Variants in GALNTL6 observed in about 807,000 individuals in gnomAD.
GALNTL6 encodes polypeptide N-acetylgalactosaminyltransferase like 6.
Under a neutral mutation model 73.7 loss-of-function variants are expected in GALNTL6, and 46 were observed. The observed-to-expected ratio is 0.62, with a 90% confidence interval of 0.49 to 0.80. GALNTL6 has a LOEUF of 0.80. GALNTL6 is among the 30% of genes least tolerant of loss of function. GALNTL6 has a pLI of 0.00. For missense variants in GALNTL6, 604 were observed against 755.0 expected (o/e 0.80, Z 2.34); for synonymous variants, 259 against 263.7 (o/e 0.98, Z 0.17).
Position 172,809,647 on chromosome 4 carries a change from A to G in GALNTL6, c.739+101A>G, listed in dbSNP as rs551851209. 19 of 895,246 alleles carry G rather than the reference A, an allele frequency of 2.1e-5. No individual in the cohort carries two copies. In the African/African-American group the frequency reaches 2.2e-4, roughly 10 times the overall value. The allele number at this position is 895,246 out of a possible 1,614,324, so 55.5% of individuals were successfully genotyped here. Reference sequence around the variant, plus strand: ...TCAGCAAACACTAGAGGTCCCTTCTACAAGTTTTCCAGGGGAAGCCTTGAA... The same window carrying G: ...TCAGCAAACACTAGAGGTCCCTTCTGCAAGTTTTCCAGGGGAAGCCTTGAA... On this transcript the variant is annotated intron_variant, in intron 6 of 12. Transcript: ENST00000506823. This position sits in a 1 kb window ranked among gnomAD's most constrained non-coding sequence, Gnocchi z 4.4.
At chr4:172,969,368 T>A (rs1485076869) in intron 10 of GALNTL6, among the ~76,000 whole-genome samples, 5 of 152,004 alleles carry the variant, frequency 3.3e-5, no homozygotes, top group Non-Finnish European at 7.4e-5. Flanking sequence ...AGATTCAACA[T>A]AAAATTCCCA....
At chr4:172,064,381 C>T (rs1179494930) in intron 2 of GALNTL6, among the ~76,000 whole-genome samples, 1 of 152,184 alleles carries the variant, frequency 6.6e-6, no homozygotes, top group Non-Finnish European at 1.5e-5. Context: ...ATAGTGTACG[C>T]TTGAAGTCAG....
intron 2 of GALNTL6, among the ~76,000 whole-genome samples, chr4:171,918,755 C>A (rs1209345051): frequency 6.6e-6 from 1 of 151,848 alleles, no homozygotes; most frequent in Non-Finnish European, 1.5e-5. Context: ...AAATATCCAT[C>A]CAGAGGAATA....
rs573583657 is a variant in GALNTL6 at position 172,314,369 on chromosome 4, T to C, written c.386+2617T>C. ...TTGCAATGGAAGATATGGGGACTCC[T>C]ATCTTGAGATTTAACTGAACTTGAT... On this transcript the variant is annotated intron_variant, in intron 4 of 12. Coordinates refer to ENST00000506823, the MANE Select transcript of GALNTL6 (RefSeq NM_001034845.3). Among the ~76,000 whole-genome samples, 38 of 152,268 alleles carry C rather than the reference T, an allele frequency of 2.5e-4. No homozygotes were observed. In the South Asian group the frequency reaches 7.3e-3, roughly 29 times the overall value.
At chr4:172,552,796 G>T (rs1736001547) in intron 5 of GALNTL6, among the ~76,000 whole-genome samples, 2 of 119,142 alleles carry the variant, frequency 1.7e-5, no homozygotes, top group African/African-American at 6.6e-5. Flanking sequence ...AATATCAACG[G>T]AGAATATCGT....
chr4:171,838,543 A>G lies in GALNTL6; in HGVS notation c.138+23825A>G, dbSNP rs78807541. Among the ~76,000 whole-genome samples the G allele has an allele frequency of 3.9e-5, 6 of 152,254 alleles. No homozygotes were observed. The East Asian group carries it at 1.2e-3, about 29-fold the overall frequency. ...ATCCAGTGCCAAGAGCCTCATAGAT[A>G]TTTAGCACTGAGTTAAATATATTCA... On this transcript the variant is annotated intron_variant, in intron 2 of 12. Coordinates refer to ENST00000506823, the MANE Select transcript of GALNTL6 (RefSeq NM_001034845.3).
At chr4:172,537,764 G>A (rs115276346) in intron 5 of GALNTL6, among the ~76,000 whole-genome samples, 93 of 152,290 alleles carry the variant, frequency 6.1e-4, no homozygotes, top group African/African-American at 2.2e-3. Context: ...TATATAAAGG[G>A]TGTTGCAGCC....
At chr4:172,364,862 A>G (rs1188528552) in intron 5 of GALNTL6, among the ~76,000 whole-genome samples, 1 of 152,200 alleles carries the variant, frequency 6.6e-6, no homozygotes, top group Non-Finnish European at 1.5e-5. Flanking sequence ...CAGAAAAAGA[A>G]TCATAGAGAA....
chr4:172,007,699 C>T (rs1177917334), intron 2 of GALNTL6, among the ~76,000 whole-genome samples: 1 of 152,078 alleles, frequency 6.6e-6, no homozygotes, highest in African/African-American at 2.4e-5. Context: ...GAAACATCAA[C>T]CTTATAAAAA....
At chr4:172,193,833 G>A (rs1418490609) in intron 2 of GALNTL6, among the ~76,000 whole-genome samples, 8 of 152,112 alleles carry the variant, frequency 5.3e-5, no homozygotes, top group African/African-American at 1.9e-4. Flanking sequence ...ACTCACTCCA[G>A]CCTGGGTGAC....
At chr4:172,358,563 G>A (rs943233021) in intron 5 of GALNTL6, among the ~76,000 whole-genome samples, 7 of 152,120 alleles carry the variant, frequency 4.6e-5, no homozygotes, top group Admixed American at 3.9e-4. Flanking sequence ...TAGTGTTAGT[G>A]TATTTTATGT....
intron 2 of GALNTL6, among the ~76,000 whole-genome samples, chr4:172,128,666 C>A (rs1166741260): frequency 6.6e-6 from 1 of 152,058 alleles, no homozygotes. Flanking sequence ...TGTTAAATTT[C>A]TAAATATTTA....
chr4:172,254,742 G>A (rs1019231475), intron 3 of GALNTL6, among the ~76,000 whole-genome samples: 3 of 151,624 alleles, frequency 2.0e-5, no homozygotes, highest in African/African-American at 7.3e-5. Context: ...TTCCACAAGA[G>A]AAGACATAAA....
chr4:172,914,615 C>G (rs1326872525), intron 8 of GALNTL6, among the ~76,000 whole-genome samples: 1 of 152,138 alleles, frequency 6.6e-6, no homozygotes, highest in Non-Finnish European at 1.5e-5. Context: ...TCTGATAAAA[C>G]AGACTTTAAA....
chr4:171,821,453 G>A (rs1442357255), intron 2 of GALNTL6, among the ~76,000 whole-genome samples: 1 of 152,064 alleles, frequency 6.6e-6, no homozygotes, highest in Non-Finnish European at 1.5e-5. Context: ...TCAGAGTGTA[G>A]TCTCTAGAAT....
At chr4:172,639,264 C>G (rs1460528609) in intron 5 of GALNTL6, among the ~76,000 whole-genome samples, 4 of 152,126 alleles carry the variant, frequency 2.6e-5, no homozygotes, top group Admixed American at 2.6e-4. Context: ...ATCCAAAACT[C>G]TCAACCCTAC....
chr4:172,922,829 G>A (rs943675346), intron 8 of GALNTL6, among the ~76,000 whole-genome samples: 7 of 152,192 alleles, frequency 4.6e-5, no homozygotes, highest in African/African-American at 1.7e-4. Context: ...GGTGAGGGGA[G>A]GCAGATGCTA....
Position 172,936,917 on chromosome 4 carries a change from T to C in GALNTL6, c.1149+5649T>C, listed in dbSNP as rs1489296351. Among the ~76,000 whole-genome samples the C allele has an allele frequency of 3.3e-5, 5 of 152,076 alleles. No homozygotes were observed. In the East Asian group the frequency reaches 5.8e-4, roughly 18 times the overall value. On this transcript the variant is annotated intron_variant, in intron 9 of 12. Transcript: ENST00000506823. ...TAAATGGTAAAGGAGTAGAGCTGGG[T>C]CTATGAACCGAGGTCTGTCTGGTCG... is the stretch of plus-strand genomic sequence containing the variant.
intron 2 of GALNTL6, among the ~76,000 whole-genome samples, chr4:171,883,331 G>A (rs1041402796): frequency 7.9e-5 from 12 of 152,110 alleles, no homozygotes; most frequent in African/African-American, 2.9e-4. Context: ...CAGCCTGAGC[G>A]ACAGAGCAAG....
Sources: allele counts gnomAD v4.1 joint callset (sites outside exome capture counted in the v4.1 genomes callset), GRCh38; gene constraint gnomAD v4.1.1; non-coding constraint Gnocchi (gnomAD v3.1); transcripts MANE v1.5; gene names NCBI Gene and HGNC (gene_info 2026-07-23, HGNC 2026-07-21).